AHCY: variants seen among roughly 807,000 people sequenced by gnomAD.
The protein encoded by AHCY is S-adenosyl-L-homocysteine hydrolase.
In AHCY, 24 loss-of-function variants were observed where a neutral mutation model predicts 45.4. The observed-to-expected ratio is 0.53, with a 90% confidence interval of 0.38 to 0.74. AHCY has a LOEUF of 0.74. Among genes scored for constraint, AHCY ranks in the 30% least tolerant of loss-of-function variants. The pLI is 0.00. For synonymous variants in AHCY, 245 were observed against 235.1 expected (o/e 1.04, Z -0.39); for missense variants, 449 against 594.1 (o/e 0.76, Z 2.54).
At chr20:34,298,709 A>G (rs898798095) in intron 1 of AHCY, among the ~76,000 whole-genome samples, 1 of 150,854 alleles carries the variant, frequency 6.6e-6, no homozygotes, top group African/African-American at 2.4e-5. Flanking sequence ...GCCCACAGTT[A>G]TCCAGAGGCC....
chr20:34,303,360 G>A (rs1176526038), upstream of AHCY: 33 of 1,526,062 alleles, frequency 2.2e-5, no homozygotes, highest in Non-Finnish European at 2.8e-5. Context: ...GCAGGGATAT[G>A]CGCGTGGCGC....
At chr20:34,306,238 T>C (rs1601693225), upstream of AHCY, among the ~76,000 whole-genome samples, 1 of 152,210 alleles carries the variant, frequency 6.6e-6, no homozygotes. Flanking sequence ...TGAACAAAAC[T>C]TTGGAGACTG....
the AHCY span, among the ~76,000 whole-genome samples, chr20:34,270,068 G>A: frequency 2.8e-5 from 4 of 143,272 alleles, no homozygotes; most frequent in African/African-American, 1.0e-4. Context: ...GAGACTCCCC[G>A]CCACCCCACC....
the AHCY span, among the ~76,000 whole-genome samples, chr20:34,232,628 A>G: frequency 1.3e-5 from 2 of 152,222 alleles, no homozygotes; most frequent in African/African-American, 4.8e-5. Context: ...GCCAGTCGTA[A>G]TCACCATACA....
At chr20:34,305,774 A>G (rs376652077), upstream of AHCY, among the ~76,000 whole-genome samples, 6 of 152,254 alleles carry the variant, frequency 3.9e-5, no homozygotes, top group African/African-American at 1.2e-4. Flanking sequence ...AAACAATGAA[A>G]AAGACACTTT....
intron 2 of AHCY, 150 bp from the exon 3 acceptor site, chr20:34,294,306 G>A (rs1265059769): frequency 5.1e-6 from 4 of 784,350 alleles, no homozygotes; most frequent in South Asian, 4.4e-5. Flanking sequence ...GGGGATGCTG[G>A]GTGGGCAGAT....
Position 34,285,651 on chromosome 20 carries a change from C to A in AHCY, c.973-17G>T, listed in dbSNP as rs1205467878. ...CCGGTCCACCTACACGCAGGCAGGG[C>A]AACAGTGAAGGCAGGCAGGGCCCCG... On this transcript the variant is annotated splice_polypyrimidine_tract_variant and intron_variant, in intron 8 of 9. Coordinates refer to ENST00000217426, the MANE Select transcript of AHCY (RefSeq NM_000687.4). The A allele has an allele frequency of 6.2e-7, 1 of 1,611,562 alleles. No individual in the cohort carries two copies. The highest frequency in any genetic ancestry group is 1.3e-5 in the African/African-American group (1 of 74,900).
the AHCY span, among the ~76,000 whole-genome samples, chr20:34,273,002 G>A: frequency 0.72 from 109,105 of 152,200 alleles, 43,800 homozygotes; most frequent in Non-Finnish European, 0.89. Flanking sequence ...CCCTGGGCCT[G>A]CCACCTTCTA....
chr20:34,242,163 T>C, the AHCY span, among the ~76,000 whole-genome samples: 2,484 of 152,142 alleles, frequency 0.016, 74 homozygotes, highest in African/African-American at 0.056. Context: ...GATGGCATAG[T>C]GAAGTCATTT....
the AHCY span, among the ~76,000 whole-genome samples, chr20:34,241,076 G>A: frequency 6.6e-6 from 1 of 152,074 alleles, no homozygotes; most frequent in Non-Finnish European, 1.5e-5. Flanking sequence ...ACCCTTAGAG[G>A]GGCTAATAGA....
intron 2 of AHCY, among the ~76,000 whole-genome samples, 179 bp from the exon 3 acceptor site, chr20:34,294,335 G>A (rs1274033350): frequency 2.6e-5 from 4 of 152,164 alleles, no homozygotes; most frequent in Admixed American, 6.5e-5. Context: ...GAGCAGGGGC[G>A]AGATCCAACT....
chr20:34,268,363 G>A, the AHCY span, among the ~76,000 whole-genome samples: 1 of 152,092 alleles, frequency 6.6e-6, no homozygotes, highest in African/African-American at 2.4e-5. Context: ...GGTCGGAGAG[G>A]CAAGCAAGGG....
At chr20:34,261,109 T>C in the AHCY span, among the ~76,000 whole-genome samples, 1 of 152,228 alleles carries the variant, frequency 6.6e-6, no homozygotes, top group African/African-American at 2.4e-5. Context: ...ACACAGTTTT[T>C]AACTGGCAAA....
the AHCY span, among the ~76,000 whole-genome samples, chr20:34,242,853 A>G: frequency 9.2e-5 from 14 of 152,268 alleles, no homozygotes; most frequent in African/African-American, 2.9e-4. Context: ...GTGCTTGTGC[A>G]GAATGCACCC....
the AHCY span, among the ~76,000 whole-genome samples, chr20:34,253,483 ATTTT>A: frequency 2.8e-5 from 4 of 142,484 alleles, no homozygotes; most frequent in African/African-American, 1.1e-4. Context: ...TTATTTATTT[ATTTT>A]TTAGAGACAG....
At chr20:34,285,866 CG>C (rs2036165997) in intron 8 of AHCY, among the ~76,000 whole-genome samples, 1 of 152,064 alleles carries the variant, frequency 6.6e-6, no homozygotes, top group Middle Eastern at 3.2e-3. Flanking sequence ...TTTGGAAGGC[CG>C]AGGCAGGCGG....
At chr20:34,303,015 C>G in intron 1 of AHCY, 1 of 985,442 alleles carries the variant, frequency 1.0e-6, no homozygotes, top group Non-Finnish European at 1.2e-6. Flanking sequence ...GCGGCGGCCC[C>G]GGCGTCGCGG....
chr20:34,292,404 G>A lies in AHCY; in HGVS notation c.399C>T (p.Gly133=), dbSNP rs149484182. 67 of 1,613,706 alleles carry A rather than the reference G, an allele frequency of 4.2e-5. No homozygotes were observed. In the African/African-American group the frequency reaches 4.5e-4, roughly 11 times the overall value. Residue 133 remains glycine, a synonymous_variant, in exon 4 of 10, where the codon GGC becomes GGT. Coordinates refer to ENST00000217426, the MANE Select transcript of AHCY (RefSeq NM_000687.4). ...GPLNMILDDG[G]DLTNLIHTKY... ...TGGTGTGGATGAGGTTGGTGAGGTCGCCCCCGTCGTCCAGAATCATGTTGA... is the reference window on the plus strand; with the variant it reads ...TGGTGTGGATGAGGTTGGTGAGGTCACCCCCGTCGTCCAGAATCATGTTGA...
chr20:34,239,760 C>G, the AHCY span, among the ~76,000 whole-genome samples: 1 of 152,156 alleles, frequency 6.6e-6, no homozygotes, highest in Non-Finnish European at 1.5e-5. Flanking sequence ...CTACAAATCA[C>G]CAAAAGAAAT....
Sources: gnomAD v4.1 joint callset for allele counts (sites outside exome capture counted in the v4.1 genomes callset) on GRCh38, gnomAD v4.1.1 for gene constraint, MANE v1.5 for transcripts, NCBI Gene and HGNC (gene_info 2026-07-23, HGNC 2026-07-21) for gene names.